Variants in KLRK1 observed in about 807,000 individuals in gnomAD.
KLRK1 encodes the protein NKG2-D type II integral membrane protein.
In KLRK1, 40 loss-of-function variants were observed where a neutral mutation model predicts 31.3. The ratio of observed to expected loss-of-function variants is 1.28; its 90% CI spans 0.99 to 1.67. KLRK1 has a LOEUF of 1.67. Ranked by LOEUF, KLRK1 falls within the 40% of genes most tolerant of loss-of-function variation. The pLI is 0.00. For missense variants in KLRK1, 251 were observed against 260.0 expected, an observed-to-expected ratio of 0.97 and a Z score of 0.24; for synonymous variants, 77 against 77.3, an observed-to-expected ratio of 1.00 and a Z score of 0.02.
At chr12:10,382,278 T>C (rs533614731) in intron 3 of KLRK1, 1 of 152,084 alleles carries the variant, frequency 6.6e-6, no homozygotes, top group Admixed American at 6.6e-5. Context: ...CCAAATGAGA[T>C]CACCACAAGA....
intron 3 of KLRK1, 117 bp from the exon 4 acceptor site, chr12:10,379,909 G>T (rs1028788180): frequency 3.3e-6 from 3 of 911,872 alleles, no homozygotes; most frequent in Non-Finnish European, 4.6e-6. Context: ...TCCTTTTTCT[G>T]CCTTAATAAT....
intron 5 of KLRK1, 70 bp from the exon 6 acceptor site, chr12:10,378,775 T>C (rs1051791024): frequency 9.4e-6 from 14 of 1,489,838 alleles, no homozygotes; most frequent in Non-Finnish European, 1.2e-5. Flanking sequence ...CTAGACAAAT[T>C]AAATGCCTTT....
chr12:10,384,855 G>A (rs1863138246), intron 3 of KLRK1, among the ~76,000 whole-genome samples: 1 of 151,926 alleles, frequency 6.6e-6, no homozygotes, highest in Non-Finnish European at 1.5e-5. Flanking sequence ...CCTCTAACAA[G>A]AGACCAATAT....
intron 7 of KLRK1, among the ~76,000 whole-genome samples, chr12:10,375,044 TA>T (rs11415103): frequency 0.086 from 13,123 of 151,886 alleles, 1,871 homozygotes; most frequent in African/African-American, 0.3. Context: ...TTTTTTCTGT[TA>T]AAAAAACTCT....
At chr12:10,380,059 G>GTTT (rs1162094591) in intron 3 of KLRK1, among the ~76,000 whole-genome samples, 100 of 83,746 alleles carry the variant, frequency 1.2e-3, no homozygotes, top group Middle Eastern at 9.4e-3. Context: ...TGTTGTTATT[G>GTTT]TTTTTTTTTT....
chr12:10,386,838 AATCAC>A, intron 3 of KLRK1, 60 bp downstream of exon 3: 1 of 1,273,208 alleles, frequency 7.9e-7, no homozygotes, highest in Non-Finnish European at 1.1e-6. Flanking sequence ...CCATTCATTT[AATCAC>A]ATAGTTTCCA....
intron 3 of KLRK1, among the ~76,000 whole-genome samples, chr12:10,382,590 G>C (rs1863095953): frequency 6.6e-6 from 1 of 152,132 alleles, no homozygotes; most frequent in Non-Finnish European, 1.5e-5. Context: ...ATATGCTAAA[G>C]AGAGTTTTTT....
At chr12:10,382,065 C>T (rs1863085797) in intron 3 of KLRK1, 1 of 152,184 alleles carries the variant, frequency 6.6e-6, no homozygotes, top group Non-Finnish European at 1.5e-5. Context: ...TTAGTCTCAG[C>T]CCACTTTATC....
At chr12:10,380,356 C>T (rs1863051770) in intron 3 of KLRK1, among the ~76,000 whole-genome samples, 1 of 152,128 alleles carries the variant, frequency 6.6e-6, no homozygotes, top group South Asian at 2.1e-4. Flanking sequence ...TGAGCCACCG[C>T]ACCCGGCCGT....
At chr12:10,373,284 AT>A in intron 7 of KLRK1, 53 bp from the exon 8 acceptor site, 1 of 1,446,828 alleles carries the variant, frequency 6.9e-7, no homozygotes, top group South Asian at 1.3e-5. Flanking sequence ...ACGCGGGAAA[AT>A]AAAAATGAAT....
intron 1 of KLRK1, 101 bp downstream of exon 1, chr12:10,389,842 A>C (rs368359276): frequency 1.8e-4 from 27 of 152,290 alleles, no homozygotes; most frequent in African/African-American, 6.3e-4. Flanking sequence ...AGAAACAATT[A>C]GAATTACCTT....
At chr12:10,386,767 T>A (rs1449625111) in intron 3 of KLRK1, 136 bp downstream of exon 3, 1 of 410,408 alleles carries the variant, frequency 2.4e-6, no homozygotes, top group Non-Finnish European at 4.1e-6. Context: ...TATTTTAATA[T>A]TATATGAGAG....
chr12:10,380,806 C>T (rs1266788226), intron 3 of KLRK1, among the ~76,000 whole-genome samples: 1 of 152,160 alleles, frequency 6.6e-6, no homozygotes, highest in African/African-American at 2.4e-5. Flanking sequence ...GGAATTCACA[C>T]TGGGGTCCCT....
intron 3 of KLRK1, among the ~76,000 whole-genome samples, chr12:10,380,346 T>C (rs1290257290): frequency 1.3e-5 from 2 of 152,178 alleles, no homozygotes; most frequent in Non-Finnish European, 2.9e-5. Flanking sequence ...ATTACAGGCG[T>C]GAGCCACCGC....
At chr12:10,379,603 C>A in intron 4 of KLRK1, 97 bp downstream of exon 4, 1 of 1,349,024 alleles carries the variant, frequency 7.4e-7, no homozygotes, top group African/African-American at 1.5e-5. Flanking sequence ...TTTAATATTT[C>A]TAGTTTATGT....
rs552084134 is a variant in KLRK1 at position 10,376,869 on chromosome 12, T to G, written c.533+1263A>C. On this transcript the variant is annotated intron_variant, in intron 7 of 7. Transcript: ENST00000240618. ...TCTTGCTCTGTCACTCAGGCTGGAGTGCAGCGGCGCAATCTCGGCTCACTG... is the reference window on the plus strand; with the variant it reads ...TCTTGCTCTGTCACTCAGGCTGGAGGGCAGCGGCGCAATCTCGGCTCACTG... Among the ~76,000 whole-genome samples the G allele has an allele frequency of 2.1e-4, 32 of 150,298 alleles. No individual in the cohort carries two copies. In the South Asian group the frequency reaches 6.6e-3, roughly 31 times the overall value.
At chr12:10,374,016 G>GTTGT (rs756398012) in intron 7 of KLRK1, 1 of 152,284 alleles carries the variant, frequency 6.6e-6, no homozygotes, top group East Asian at 1.9e-4. Flanking sequence ...TTTTTGTTTT[G>GTTGT]TTGTTTGTTT....
chr12:10,374,397 CTT>C (rs35414446), intron 7 of KLRK1, among the ~76,000 whole-genome samples: 125 of 131,826 alleles, frequency 9.5e-4, no homozygotes, highest in Non-Finnish European at 1.2e-3. Flanking sequence ...TCCTCTCTCT[CTT>C]TTTTTTTTTT....
chr12:10,384,927 G>A (rs1863139416), intron 3 of KLRK1, among the ~76,000 whole-genome samples: 1 of 151,960 alleles, frequency 6.6e-6, no homozygotes, highest in South Asian at 2.1e-4. Flanking sequence ...TTGAAAATGA[G>A]CAAAGGATCT....
Sources: gnomAD v4.1 joint callset for allele counts (sites outside exome capture counted in the v4.1 genomes callset) on GRCh38, gnomAD v4.1.1 for gene constraint, MANE v1.5 for transcripts, NCBI Gene and HGNC (gene_info 2026-07-23, HGNC 2026-07-21) for gene names.